Variants in TAF1L observed in about 807,000 individuals in gnomAD.
TAF1L encodes the protein transcription initiation factor TFIID subunit 1-like.
A neutral mutation model predicts 128.8 loss-of-function variants in TAF1L; 30 were observed. The ratio of observed to expected loss-of-function variants is 0.23; its 90% CI spans 0.17 to 0.32. The LOEUF (loss-of-function observed/expected upper bound fraction) is 0.32, where lower values mean the gene tolerates loss of function less well. TAF1L is among the 10% of genes least tolerant of loss of function. The probability of loss-of-function intolerance (pLI) is 1.00; values close to 1 mark genes in which losing one functional copy is unlikely to be tolerated. For missense variants in TAF1L, 2,099 were observed against 2,253.7 expected, an observed-to-expected ratio of 0.93 and a Z score of 1.39; for synonymous variants, 764 against 790.7, an observed-to-expected ratio of 0.97 and a Z score of 0.57.
chr9:32,630,341 C>T lies in TAF1L; in HGVS notation c.5239G>A (p.Glu1747Lys), dbSNP rs558316452. The T allele has an allele frequency of 2.5e-5, 40 of 1,614,228 alleles. No individual in the cohort carries two copies. The East Asian group carries it at 8.7e-4, about 35-fold the overall frequency. Residue 1747 changes from glutamate to lysine, a missense_variant, in exon 1 of 1, where the codon GAA becomes AAA. Physicochemically the swap from Glu to Lys is moderately conservative, Grantham distance 56 (BLOSUM62 1). Around this residue, in one of 4 missense-constraint regions of TAF1L, gnomAD observed 404 missense variants for 406.5 expected, o/e 0.99. Coordinates refer to ENST00000242310, the MANE Select transcript of TAF1L (RefSeq NM_153809.2). ...GGTTGTTGTACAGTTCCTTCCTCTT[C>T]ATCTGCAAGATCACCATCTCCCCCT... ...PEGGDGDLAD[E>K]EEGTVQQPEA...
In TAF1L at chr9:32,630,189, G is replaced by A; in HGVS notation, c.5391C>T (p.Asp1797=). The A allele has an allele frequency of 6.2e-7, 1 of 1,614,192 alleles. No homozygotes were observed. The highest frequency in any genetic ancestry group is 8.5e-7 in the Non-Finnish European group (1 of 1,180,042). ...TTATTCCACCATATCCCACATCAGAGTCACTTCCACTTTCACTCAGCTGGA... is the reference window on the plus strand; with the variant it reads ...TTATTCCACCATATCCCACATCAGAATCACTTCCACTTTCACTCAGCTGGA... ...SAIQLSESGS[D]SDVGYGGIRP... The change falls in exon 1 of 1, where the codon GAC becomes GAT. Residue 1797 remains aspartate (D), a synonymous_variant. Transcript: ENST00000242310.
Position 32,632,419 on chromosome 9 carries a change from T to C in TAF1L, c.3161A>G (p.Glu1054Gly). 1 of 1,614,228 alleles carries C rather than the reference T, an allele frequency of 6.2e-7. No individual in the cohort carries two copies. The highest frequency in any genetic ancestry group is 8.5e-7 in the Non-Finnish European group (1 of 1,180,036). The change falls in exon 1 of 1, where the codon GAA becomes GGA. Residue 1054 changes from glutamate to glycine, a missense_variant. Glu to Gly is a moderately conservative substitution (Grantham distance 98). Coordinates refer to ENST00000242310, the MANE Select transcript of TAF1L (RefSeq NM_153809.2). This position sits in a 1 kb window ranked among gnomAD's most constrained non-coding sequence, Gnocchi z 4.4. ...GGGCCCCTCTCCAGAATGAGCCTGT[T>C]CTGTTGACATTGTGCGCACCACATC... ...VIDVVRTMST[E>G]QAHSGEGPMS... is the part of the protein sequence containing the mutation.
Position 32,635,079 on chromosome 9 carries a change from C to G in TAF1L, c.501G>C (p.Lys167Asn). 1 of 1,613,962 alleles carries G rather than the reference C, an allele frequency of 6.2e-7. No individual in the cohort carries two copies. The highest frequency in any genetic ancestry group is 8.5e-7 in the Non-Finnish European group (1 of 1,179,994). ...PPPPPPGPMKKDKDQDAITCV... is the reference protein window; with the variant it reads ...PPPPPPGPMKNDKDQDAITCV... ...AGGTAATAGCATCTTGGTCCTTATCCTTCTTCATTGGTCCCGGGGGTGGAG... is the reference window on the plus strand; with the variant it reads ...AGGTAATAGCATCTTGGTCCTTATCGTTCTTCATTGGTCCCGGGGGTGGAG... The change falls in exon 1 of 1, where the codon AAG becomes AAC. Residue 167 changes from lysine (K) to asparagine (N), a missense_variant. Around this residue, in one of 4 missense-constraint regions of TAF1L, gnomAD observed 473 missense variants for 429.6 expected, o/e 1.10. Transcript: ENST00000242310.
At position 32,631,936 on chromosome 9, in the gene TAF1L, C is replaced by T. The variant is rs757557186; in HGVS notation, c.3644G>A (p.Arg1215His). The T allele has an allele frequency of 9.3e-6, 15 of 1,614,210 alleles. No individual in the cohort carries two copies. Among genetic ancestry groups the T allele is most frequent in the South Asian group, 4.4e-5 (4 of 91,084 alleles). Reference sequence around the variant, plus strand: ...TTTCTCATCTTTTGTAGTCCGTATGCGCACATAGGCATCAATGACAGCTGG... The same window carrying T: ...TTTCTCATCTTTTGTAGTCCGTATGTGCACATAGGCATCAATGACAGCTGG... ...RKPAVIDAYV[R>H]IRTTKDEKFI... The change falls in exon 1 of 1, where the codon CGC (arginine) becomes CAC (histidine). Residue 1215 changes from arginine to histidine, a missense_variant. This residue lies in a region of TAF1L where 1,213 missense variants were observed against 1,391.4 expected (regional missense o/e 0.87). Coordinates refer to ENST00000242310, the MANE Select transcript of TAF1L (RefSeq NM_153809.2). This position sits in a 1 kb window ranked among gnomAD's most constrained non-coding sequence, Gnocchi z 4.1.
Position 32,634,532 on chromosome 9 carries a change from C to G in TAF1L, c.1048G>C (p.Val350Leu). 3.7e-6 allele frequency: 6 copies of G among 1,614,206 alleles called. No individual in the cohort carries two copies. Among genetic ancestry groups the G allele is most frequent in the Non-Finnish European group, 3.4e-6 (4 of 1,180,038 alleles). Residue 350 changes from valine to leucine, a missense_variant, in exon 1 of 1, where the codon GTG becomes CTG. Coordinates refer to ENST00000242310, the MANE Select transcript of TAF1L (RefSeq NM_153809.2). ...FSQSTGDVDK[V>L]TDTKPRVAEW... Reference sequence around the variant, plus strand: ...GCCACTCTTGGTTTGGTATCTGTCACTTTATCTACATCTCCAGTTGATTGG... The same window carrying G: ...GCCACTCTTGGTTTGGTATCTGTCAGTTTATCTACATCTCCAGTTGATTGG...
In TAF1L at chr9:32,634,071, G is replaced by T. The variant is rs1475926223; in HGVS notation, c.1509C>A (p.Ile503=). The T allele has an allele frequency of 6.8e-6, 11 of 1,614,022 alleles. No homozygotes were observed. Among genetic ancestry groups the T allele is most frequent in the South Asian group, 5.5e-5 (5 of 91,082 alleles). The change falls in exon 1 of 1, where the codon ATC becomes ATA. Residue 503 remains isoleucine, a synonymous_variant. Transcript: ENST00000242310. ...GGGGCATGGCCTGAGCATCCCAAATGATATTGTCCTCCCAGCGTCCATACA... is the reference window on the plus strand; with the variant it reads ...GGGGCATGGCCTGAGCATCCCAAATTATATTGTCCTCCCAGCGTCCATACA... ...DLVYGRWEDN[I]IWDAQAMPRL...
Position 32,635,616 on chromosome 9 carries a change from C to T in TAF1L, c.-37G>A, listed in dbSNP as rs1442352273. 1.4e-6 allele frequency: 2 copies of T among 1,393,916 alleles called. No homozygotes were observed. The highest frequency in any genetic ancestry group is 1.5e-5 in the African/African-American group (1 of 66,994). The allele number at this position is 1,393,916 out of a possible 1,614,324, so 86.3% of individuals were successfully genotyped here. A position where few individuals can be genotyped will look rare whatever the true frequency, so the allele number is the denominator to read the frequency against. On this transcript the variant is annotated 5_prime_UTR_variant, in exon 1 of 1. Transcript: ENST00000242310. ...AAAACAACAGTCGCCCGGAAGTGAT[C>T]TACTTAGCTCCCTTACCCTACCAGC...
chr9:32,633,278 G>A lies in TAF1L; in HGVS notation c.2302C>T (p.Arg768Cys), dbSNP rs149009358. 5.6e-6 allele frequency: 9 copies of A among 1,614,066 alleles called. No individual in the cohort carries two copies. The highest frequency in any genetic ancestry group is 2.2e-5 in the East Asian group (1 of 44,898). Reference protein sequence around the residue: ...LLQALENNLFRAPVYLHKMPE... With the variant: ...LLQALENNLFCAPVYLHKMPE... ...ATCTTATGAAGATACACTGGAGCAC[G>A]AAAAAGGTTGTTCTCAAGTGCCTGC... The change falls in exon 1 of 1, where the codon CGT becomes TGT. Residue 768 changes from arginine (R) to cysteine (C), a missense_variant. Physicochemically the swap from Arg to Cys is radical, Grantham distance 180. Transcript: ENST00000242310.
chr9:32,632,396 G>T lies in TAF1L; in HGVS notation c.3184C>A (p.Pro1062Thr). 1 of 1,614,130 alleles carries T rather than the reference G, an allele frequency of 6.2e-7. No homozygotes were observed. Among genetic ancestry groups the T allele is most frequent in the Non-Finnish European group, 8.5e-7 (1 of 1,180,028 alleles). Residue 1062 changes from proline to threonine, a missense_variant, in exon 1 of 1, where the codon CCC (proline) becomes ACC (threonine). Pro to Thr is a conservative substitution (Grantham distance 38, BLOSUM62 -1). Coordinates refer to ENST00000242310, the MANE Select transcript of TAF1L (RefSeq NM_153809.2). This position sits in a 1 kb window ranked among gnomAD's most constrained non-coding sequence, Gnocchi z 4.4. ...GATCCACGGGCAAATTTACTCATGGGCCCCTCTCCAGAATGAGCCTGTTCT... is the reference window on the plus strand; with the variant it reads ...GATCCACGGGCAAATTTACTCATGGTCCCCTCTCCAGAATGAGCCTGTTCT... ...STEQAHSGEG[P>T]MSKFARGSRF...
rs1314886706 is a variant in TAF1L, at chr9:32,631,597, T to C, written c.3983A>G (p.His1328Arg). Reference protein sequence around the residue: ...QEEELEKTVIHNDNEELIKVE... With the variant: ...QEEELEKTVIRNDNEELIKVE... Reference sequence around the variant, plus strand: ...CTTGATAAGTTCTTCATTATCATTATGAATGACTGTCTTTTCCAACTCCTC... The same window carrying C: ...CTTGATAAGTTCTTCATTATCATTACGAATGACTGTCTTTTCCAACTCCTC... Residue 1328 changes from histidine (H) to arginine (R), a missense_variant, in exon 1 of 1, where the codon CAT becomes CGT. Around this residue, in one of 4 missense-constraint regions of TAF1L, gnomAD observed 1,213 missense variants for 1,391.4 expected, o/e 0.87. Coordinates refer to ENST00000242310, the MANE Select transcript of TAF1L (RefSeq NM_153809.2). The surrounding 1 kb of genome is among the most constrained non-coding windows in gnomAD (Gnocchi z 4.1). 5.0e-6 allele frequency: 8 copies of C among 1,614,096 alleles called. No individual in the cohort carries two copies. In the African/African-American group the frequency reaches 1.1e-4, roughly 22 times the overall value.
Position 32,634,916 on chromosome 9 carries a change from A to G in TAF1L, c.664T>C (p.Ser222Pro), listed in dbSNP as rs1212302372. The change falls in exon 1 of 1, where the codon TCT becomes CCT. Residue 222 changes from serine to proline, a missense_variant. By Grantham distance (74) the Ser-to-Pro change is moderately conservative (BLOSUM62 -1). This residue lies in a region of TAF1L where 473 missense variants were observed against 429.6 expected (regional missense o/e 1.10). Coordinates refer to ENST00000242310, the MANE Select transcript of TAF1L (RefSeq NM_153809.2). The stretch of plus-strand genomic sequence containing the variant: ...GGAAGGGTCAGCTTTCCATCCTCAG[A>G]TTCTGCCTGTGTTGCTTCCTGAGGT... ...MGPQEATQAE[S>P]EDGKLTLPLA... 1.2e-6 allele frequency: 2 copies of G among 1,614,102 alleles called. No homozygotes were observed. Among genetic ancestry groups the G allele is most frequent in the South Asian group, 2.2e-5 (2 of 91,072 alleles).
In TAF1L at chr9:32,630,428, C is replaced by T; in HGVS notation, c.5152G>A (p.Val1718Met). The part of the protein sequence containing the change: ...QGRLGEEDSD[V>M]DVEGYDDEEE... The stretch of plus-strand genomic sequence containing the variant: ...TCATCATCATACCCTTCAACATCCA[C>T]ATCAGAGTCTTCCTCACCCAGCCTA... The change falls in exon 1 of 1, where the codon GTG (valine) becomes ATG (methionine). Residue 1718 changes from valine (V) to methionine (M), a missense_variant. Val to Met is a conservative substitution (Grantham distance 21). This residue lies in a region of TAF1L where 404 missense variants were observed against 406.5 expected (regional missense o/e 0.99). Coordinates refer to ENST00000242310, the MANE Select transcript of TAF1L (RefSeq NM_153809.2). The T allele has an allele frequency of 6.2e-7, 1 of 1,614,226 alleles. No individual in the cohort carries two copies. The highest frequency in any genetic ancestry group is 8.5e-7 in the Non-Finnish European group (1 of 1,180,054).
Position 32,632,327 on chromosome 9 carries a change from A to G in TAF1L, c.3253T>C (p.Cys1085Arg), listed in dbSNP as rs539331955. ...TTCTGTAGGTCAAAGATACGCTGAC[A>G]TTCCTCTTTGTAACGCTCTTGATGC... ...AEHQERYKEECQRIFDLQNKV... is the reference protein window; with the variant it reads ...AEHQERYKEERQRIFDLQNKV... Residue 1085 changes from cysteine (C) to arginine (R), a missense_variant, in exon 1 of 1, where the codon TGT becomes CGT. Coordinates refer to ENST00000242310, the MANE Select transcript of TAF1L (RefSeq NM_153809.2). The surrounding 1 kb of genome is among the most constrained non-coding windows in gnomAD (Gnocchi z 4.4). The G allele has an allele frequency of 1.2e-6, 2 of 1,614,226 alleles. No individual in the cohort carries two copies. Among genetic ancestry groups the G allele is most frequent in the Admixed American group, 3.3e-5 (2 of 60,024 alleles).
In TAF1L at chr9:32,630,167, T is replaced by C. The variant is rs16918393; in HGVS notation, c.5413A>G (p.Ile1805Val). ...GSDSDVGYGG[I>V]RPKQPFMLQH... ...AGCATGAAGGGTTGTTTGGGTCTTATTCCACCATATCCCACATCAGAGTCA... is the reference window on the plus strand; with the variant it reads ...AGCATGAAGGGTTGTTTGGGTCTTACTCCACCATATCCCACATCAGAGTCA... The change falls in exon 1 of 1, where the codon ATA (isoleucine) becomes GTA (valine). Residue 1805 changes from isoleucine (I) to valine (V), a missense_variant. Physicochemically the swap from Ile to Val is conservative, Grantham distance 29. Around this residue, in one of 4 missense-constraint regions of TAF1L, gnomAD observed 404 missense variants for 406.5 expected, o/e 0.99. Transcript: ENST00000242310. 1.8e-3 allele frequency: 2,833 copies of C among 1,614,204 alleles called. 32 individuals are homozygous for C. In the African/African-American group the frequency reaches 0.03, roughly 17 times the overall value.
At position 32,633,438 on chromosome 9, in the gene TAF1L, G is replaced by T. The variant is rs970026044; in HGVS notation, c.2142C>A (p.Gly714=). 5.0e-6 allele frequency: 8 copies of T among 1,614,088 alleles called. No homozygotes were observed. Among genetic ancestry groups the T allele is most frequent in the Admixed American group, 1.7e-5 (1 of 60,006 alleles). The part of the protein sequence containing the change: ...EENGPLMMQV[G]MATKIKNYYK... ...AATAGTTCTTTATCTTGGTTGCCATGCCAACCTGCATCATTAAGGGTCCAT... is the reference window on the plus strand; with the variant it reads ...AATAGTTCTTTATCTTGGTTGCCATTCCAACCTGCATCATTAAGGGTCCAT... Residue 714 remains glycine, a synonymous_variant, in exon 1 of 1, where the codon GGC becomes GGA. Transcript: ENST00000242310.
chr9:32,634,558 G>A lies in TAF1L; in HGVS notation c.1022C>T (p.Ser341Phe), dbSNP rs891249078. 6.2e-7 allele frequency: 1 copy of A among 1,614,050 alleles called. No individual in the cohort carries two copies. The highest frequency in any genetic ancestry group is 8.5e-7 in the Non-Finnish European group (1 of 1,180,040). Residue 341 changes from serine to phenylalanine, a missense_variant, in exon 1 of 1, where the codon TCC becomes TTC. Transcript: ENST00000242310. ...TTTATCTACATCTCCAGTTGATTGGGAAAATTTGGACTCCACAGGAACCAT... is the reference window on the plus strand; with the variant it reads ...TTTATCTACATCTCCAGTTGATTGGAAAAATTTGGACTCCACAGGAACCAT... ...TMMVPVESKFSQSTGDVDKVT... is the reference protein window; with the variant it reads ...TMMVPVESKFFQSTGDVDKVT...
In TAF1L at chr9:32,633,120, C is replaced by T; in HGVS notation, c.2460G>A (p.Met820Ile). The change falls in exon 1 of 1, where the codon ATG becomes ATA. Residue 820 changes from methionine (M) to isoleucine (I), a missense_variant. Physicochemically the swap from Met to Ile is conservative, Grantham distance 10. Coordinates refer to ENST00000242310, the MANE Select transcript of TAF1L (RefSeq NM_153809.2). ...AAACCTGTAGAAAGTCTCGAATATG[C>T]ATATTGGCCCTTCTGGAGTTAGGCC... ...VPGPNSRRANMHIRDFLQVFI... is the reference protein window; with the variant it reads ...VPGPNSRRANIHIRDFLQVFI... The T allele has an allele frequency of 6.2e-7, 1 of 1,614,214 alleles. No homozygotes were observed. The highest frequency in any genetic ancestry group is 8.5e-7 in the Non-Finnish European group (1 of 1,180,038).
chr9:32,630,880 A>C lies in TAF1L; in HGVS notation c.4700T>G (p.Val1567Gly). The change falls in exon 1 of 1, where the codon GTG (valine) becomes GGG (glycine). Residue 1567 changes from valine to glycine, a missense_variant. Around this residue, in one of 4 missense-constraint regions of TAF1L, gnomAD observed 404 missense variants for 406.5 expected, o/e 0.99. Coordinates refer to ENST00000242310, the MANE Select transcript of TAF1L (RefSeq NM_153809.2). ...PDYYKMIVNP[V>G]DLETIRKNIS... The stretch of plus-strand genomic sequence containing the variant: ...GTTCTTACGTATGGTCTCTAAATCC[A>C]CTGGATTGACAATCATTTTGTAATA... 1 of 1,614,164 alleles carries C rather than the reference A, an allele frequency of 6.2e-7. No homozygotes were observed. Among genetic ancestry groups the C allele is most frequent in the Non-Finnish European group, 8.5e-7 (1 of 1,180,022 alleles).
chr9:32,630,106 C>T lies in TAF1L; in HGVS notation c.5474G>A (p.Gly1825Glu). 1 of 1,614,138 alleles carries T rather than the reference C, an allele frequency of 6.2e-7. No homozygotes were observed. Among genetic ancestry groups the T allele is most frequent in the Non-Finnish European group, 8.5e-7 (1 of 1,180,008 alleles). ...TGGGACATCATGCTTTCTTCATTTTCCGTGCCCATCCTTGTGTTCTCCTGA... is the reference window on the plus strand; with the variant it reads ...TGGGACATCATGCTTTCTTCATTTTTCGTGCCCATCCTTGTGTTCTCCTGA... ...HASGEHKDGH[G>E]K is the part of the protein sequence containing the mutation. The change falls in exon 1 of 1, where the codon GGA becomes GAA. Residue 1825 changes from glycine (G) to glutamate (E), a missense_variant. Coordinates refer to ENST00000242310, the MANE Select transcript of TAF1L (RefSeq NM_153809.2).
Sources: gnomAD v4.1 joint callset for allele counts on GRCh38, gnomAD v4.1.1 for gene constraint, gnomAD v4.1.1 regional missense constraint, Gnocchi (gnomAD v3.1) non-coding constraint, MANE v1.5 for transcripts, NCBI Gene and HGNC (gene_info 2026-07-23, HGNC 2026-07-21) for gene names.